The following BCAS3 variants were observed in gnomAD, a reference collection of about 807,000 sequenced individuals.
BCAS3 encodes BCAS3 microtubule associated cell migration factor.
In BCAS3, 53 loss-of-function variants were observed where a neutral mutation model predicts 116.1. The observed-to-expected ratio is 0.46, with a 90% CI of 0.37 to 0.57. The LOEUF is 0.57. Ranked by LOEUF, BCAS3 falls within the 20% of genes least tolerant of loss-of-function variation. The pLI, the probability that BCAS3 is intolerant of heterozygous loss-of-function variation, is 0.00. For missense variants in BCAS3, 917 were observed against 1,165.4 expected, an observed-to-expected ratio of 0.79 and a Z score of 3.10; for synonymous variants, 391 against 408.2, an observed-to-expected ratio of 0.96 and a Z score of 0.51.
At chr17:61,009,363 T>G (rs1247198637) in intron 15 of BCAS3, among the ~76,000 whole-genome samples, 1 of 152,106 alleles carries the variant, frequency 6.6e-6, no homozygotes, top group Admixed American at 6.6e-5. Context: ...TTGACCCACT[T>G]TATTCCATTG....
intron 22 of BCAS3, among the ~76,000 whole-genome samples, chr17:61,283,015 C>A (rs2051372513): frequency 6.6e-6 from 1 of 151,166 alleles, no homozygotes; most frequent in African/African-American, 2.4e-5. Context: ...AATAAATCAG[C>A]CCATGGCATC....
At chr17:60,784,026 C>T (rs866823654) in intron 6 of BCAS3, among the ~76,000 whole-genome samples, 4 of 152,164 alleles carry the variant, frequency 2.6e-5, no homozygotes, top group Middle Eastern at 6.8e-3. Context: ...AAGCAGCACT[C>T]CATTGTAGAA....
At chr17:61,254,774 T>A (rs1445935691) in intron 22 of BCAS3, among the ~76,000 whole-genome samples, 20 of 216 alleles carry the variant, frequency 0.093, no homozygotes, top group African/African-American at 0.13. Context: ...AGACTCCGTC[T>A]CAGAAAAAAA....
chr17:61,049,730 C>CTTTTCTTTTTTTTTTTTTTTTT (rs1237965285), intron 19 of BCAS3, among the ~76,000 whole-genome samples: 1 of 120,828 alleles, frequency 8.3e-6, no homozygotes, highest in Non-Finnish European at 1.7e-5. Context: ...CTTTTCTTTT[C>CTTTTCTTTTTTTTTTTTTTTTT]TTTTTTTTTT....
intron 22 of BCAS3, among the ~76,000 whole-genome samples, chr17:61,223,997 G>C (rs2082248686): frequency 1.3e-5 from 2 of 152,192 alleles, no homozygotes; most frequent in African/African-American, 4.8e-5. Context: ...GATAGAAGGA[G>C]GTGGGTCAGA....
intron 6 of BCAS3, among the ~76,000 whole-genome samples, chr17:60,797,461 T>A (rs548545496): frequency 6.6e-6 from 1 of 151,536 alleles, no homozygotes; most frequent in Admixed American, 6.6e-5. Flanking sequence ...GCAGTTCTCC[T>A]GTCCGGCCTC....
chr17:61,296,512 G>A (rs1381697507), intron 22 of BCAS3, among the ~76,000 whole-genome samples: 7 of 152,282 alleles, frequency 4.6e-5, no homozygotes, highest in South Asian at 2.1e-4. Flanking sequence ...AATAGAGCCC[G>A]AATATTGACA....
chr17:61,063,754 T>TGACTCCATCTACAA lies in BCAS3; in HGVS notation c.2030-11166_2030-11165insGACTCCATCTACAA. Among the ~76,000 whole-genome samples the TGACTCCATCTACAA allele has an allele frequency of 6.6e-6, 1 of 152,306 alleles. No individual in the cohort carries two copies. Among genetic ancestry groups the TGACTCCATCTACAA allele is most frequent in the South Asian group, 2.1e-4 (1 of 4,826 alleles). ...GGAAGTGGAACCAATTGAGATATCT[T>TGACTCCATCTACAA]TGGCACTGGCTGTAGTTTCTGCTGT... On this transcript the variant is annotated intron_variant, in intron 19 of 23. Transcript: ENST00000407086. This position sits in a 1 kb window ranked among gnomAD's most constrained non-coding sequence, Gnocchi z 5.3.
At chr17:60,827,548 G>A (rs1402852845) in intron 7 of BCAS3, among the ~76,000 whole-genome samples, 1 of 152,108 alleles carries the variant, frequency 6.6e-6, no homozygotes, top group Admixed American at 6.5e-5. Flanking sequence ...AAAGCTACAT[G>A]TGTGTGTATT....
rs1404362729 is a variant in BCAS3, at chr17:61,333,711, C to T, written c.2426-34616C>T. On this transcript the variant is annotated intron_variant, in intron 22 of 23. Coordinates refer to ENST00000407086, the MANE Select transcript of BCAS3 (RefSeq NM_017679.5). This position sits in a 1 kb window ranked among gnomAD's most constrained non-coding sequence, Gnocchi z 4.8. ...TCTCGGCTCACTGCAACCTCTGCCT[C>T]CCAGGTTCAAGCGATTCTCCTGCCT... is the stretch of plus-strand genomic sequence containing the variant. Among the ~76,000 whole-genome samples the T allele has an allele frequency of 6.6e-6, 1 of 151,644 alleles. No individual in the cohort carries two copies. Among genetic ancestry groups the T allele is most frequent in the South Asian group, 2.1e-4 (1 of 4,798 alleles).
At position 61,152,254 on chromosome 17, in the gene BCAS3, G is replaced by A. The variant is rs150671615; in HGVS notation, c.2425+67690G>A. Among the ~76,000 whole-genome samples, 1,137 of 152,220 alleles carry A rather than the reference G, an allele frequency of 7.5e-3. 10 individuals are homozygous for A. The highest frequency in any genetic ancestry group is 0.025 in the African/African-American group (1,058 of 41,520). ...TATTCCCTTATTTGTCCCCTCCCAT[G>A]TTCTGTTTTTGTCCTATCAGAGTGC... On this transcript the variant is annotated intron_variant, in intron 22 of 23. Transcript: ENST00000407086.
chr17:61,148,169 A>G (rs770162216), intron 22 of BCAS3, among the ~76,000 whole-genome samples: 2 of 152,160 alleles, frequency 1.3e-5, no homozygotes, highest in Non-Finnish European at 2.9e-5. Flanking sequence ...ATATTAATAC[A>G]TCTCACACAC....
intron 5 of BCAS3, among the ~76,000 whole-genome samples, chr17:60,732,871 A>G (rs2144172209): frequency 6.6e-6 from 1 of 152,246 alleles, no homozygotes; most frequent in East Asian, 1.9e-4. Flanking sequence ...AGACCTGAGC[A>G]CTGAGCTGTA....
chr17:60,765,809 T>G (rs1462328311), intron 6 of BCAS3, among the ~76,000 whole-genome samples: 1 of 152,212 alleles, frequency 6.6e-6, no homozygotes, highest in Non-Finnish European at 1.5e-5. Flanking sequence ...TCCATTCTCC[T>G]GTCGCTTTCA....
At chr17:61,274,102 C>T (rs2050559799) in intron 22 of BCAS3, among the ~76,000 whole-genome samples, 1 of 150,884 alleles carries the variant, frequency 6.6e-6, no homozygotes, top group South Asian at 2.1e-4. Context: ...AATGCTATCC[C>T]TCCCCACTCC....
At chr17:61,266,851 C>G (rs1450240402) in intron 22 of BCAS3, among the ~76,000 whole-genome samples, 2 of 152,120 alleles carry the variant, frequency 1.3e-5, no homozygotes, top group Non-Finnish European at 2.9e-5. Context: ...TTATTTGTTT[C>G]AATTTGTAAA....
intron 22 of BCAS3, among the ~76,000 whole-genome samples, chr17:61,338,571 T>C (rs75568442): frequency 0.038 from 5,851 of 152,082 alleles, 411 homozygotes; most frequent in African/African-American, 0.13. Context: ...GGGAAGTAGG[T>C]TAGGGGTAGC....
chr17:60,799,527 T>TG (rs1193956341), intron 6 of BCAS3, among the ~76,000 whole-genome samples: 5 of 126,620 alleles, frequency 3.9e-5, no homozygotes, highest in African/African-American at 1.4e-4. Flanking sequence ...AGTGTTTGTT[T>TG]TTTTTTTTTT....
rs999889380 is a variant in BCAS3, at chr17:61,118,671, G to A, written c.2425+34107G>A. On this transcript the variant is annotated intron_variant, in intron 22 of 23. Coordinates refer to ENST00000407086, the MANE Select transcript of BCAS3 (RefSeq NM_017679.5). This position sits in a 1 kb window ranked among gnomAD's most constrained non-coding sequence, Gnocchi z 5.0. Reference sequence around the variant, plus strand: ...TTGTGTGGCGTTTGGGTAGAGAGAAGCAATTATTGTCTAAAAGTTTCTGTC... The same window carrying A: ...TTGTGTGGCGTTTGGGTAGAGAGAAACAATTATTGTCTAAAAGTTTCTGTC... Among the ~76,000 whole-genome samples, 1 of 152,104 alleles carries A rather than the reference G, an allele frequency of 6.6e-6. No individual in the cohort carries two copies. The highest frequency in any genetic ancestry group is 1.5e-5 in the Non-Finnish European group (1 of 68,024).
Sources: allele counts gnomAD v4.1 joint callset (sites outside exome capture counted in the v4.1 genomes callset), GRCh38; gene constraint gnomAD v4.1.1; non-coding constraint Gnocchi (gnomAD v3.1); transcripts MANE v1.5; gene names NCBI Gene and HGNC (gene_info 2026-07-23, HGNC 2026-07-21).